SLC9A1: variants seen among roughly 807,000 people sequenced by gnomAD.
The protein encoded by SLC9A1 is sodium/hydrogen exchanger 1.
A neutral mutation model predicts 67.9 loss-of-function variants in SLC9A1; 22 were observed. The ratio of observed to expected loss-of-function variants is 0.32; its 90% confidence interval spans 0.23 to 0.46. SLC9A1 has a LOEUF of 0.46. SLC9A1 is among the 20% of genes least tolerant of loss of function. The pLI is 1.00. For synonymous variants in SLC9A1, 421 were observed against 471.8 expected, an observed-to-expected ratio of 0.89 and a Z score of 1.40; for missense variants, 686 against 1,094.8, an observed-to-expected ratio of 0.63 and a Z score of 5.27.
chr1:27,129,698 A>T (rs1045481615), intron 1 of SLC9A1, among the ~76,000 whole-genome samples: 5 of 152,192 alleles, frequency 3.3e-5, no homozygotes, highest in Admixed American at 3.3e-4. Context: ...GTGGTAGCAG[A>T]GCTGGCACAC....
Position 27,109,884 on chromosome 1 carries a change from A to T in SLC9A1, c.814-107T>A. 3 of 1,278,924 alleles carry T rather than the reference A, an allele frequency of 2.3e-6. No homozygotes were observed. The highest frequency in any genetic ancestry group is 3.3e-6 in the Non-Finnish European group (3 of 907,814). 79.2% of individuals were successfully genotyped at this position (1,278,924 alleles called of 1,614,324 possible). ...GTCCCCTCCGTTAACCATGGCCACAAGAAGAGGCCACACGGTAGCAGAGAA... is the reference window on the plus strand; with the variant it reads ...GTCCCCTCCGTTAACCATGGCCACATGAAGAGGCCACACGGTAGCAGAGAA... On this transcript the variant is annotated intron_variant, in intron 2 of 11. Coordinates refer to ENST00000263980, the MANE Select transcript of SLC9A1 (RefSeq NM_003047.5). This position sits in a 1 kb window ranked among gnomAD's most constrained non-coding sequence, Gnocchi z 5.5.
intron 1 of SLC9A1, among the ~76,000 whole-genome samples, chr1:27,131,797 C>A (rs1293426832): frequency 6.8e-6 from 1 of 147,028 alleles, no homozygotes; most frequent in African/African-American, 2.5e-5. Context: ...CCTATAATCC[C>A]ATAATCTCAG....
chr1:27,131,045 G>A (rs1057101535), intron 1 of SLC9A1, among the ~76,000 whole-genome samples: 1 of 152,232 alleles, frequency 6.6e-6, no homozygotes, highest in African/African-American at 2.4e-5. Context: ...TGTGCTGGCT[G>A]CTGAGACTGG....
At chr1:27,117,918 C>T (rs1054986454) in intron 1 of SLC9A1, among the ~76,000 whole-genome samples, 1 of 152,200 alleles carries the variant, frequency 6.6e-6, no homozygotes, top group Non-Finnish European at 1.5e-5. Flanking sequence ...AGACTCTGAA[C>T]CTCCGTGAGC....
chr1:27,102,806 G>T, intron 6 of SLC9A1, 63 bp from the exon 7 acceptor site: 1 of 1,418,300 alleles, frequency 7.1e-7, no homozygotes, highest in South Asian at 1.2e-5. Flanking sequence ...CAAGACCTCT[G>T]ACTAGCCCCA....
Position 27,137,621 on chromosome 1 carries a change from G to C in SLC9A1, c.352+16362C>G, listed in dbSNP as rs551210207. On this transcript the variant is annotated intron_variant, in intron 1 of 11. Coordinates refer to ENST00000263980, the MANE Select transcript of SLC9A1 (RefSeq NM_003047.5). This position sits in a 1 kb window ranked among gnomAD's most constrained non-coding sequence, Gnocchi z 4.6. ...GGATCCCTCCCAGTGCTAAAGTCTG[G>C]TTCTGATTCTAGGTCTGCCCTTTCC... Among the ~76,000 whole-genome samples, 3 of 152,234 alleles carry C rather than the reference G, an allele frequency of 2.0e-5. No individual in the cohort carries two copies. Among genetic ancestry groups the C allele is most frequent in the African/African-American group, 7.2e-5 (3 of 41,536 alleles).
chr1:27,107,598 A>C (rs201902854), intron 4 of SLC9A1, 50 bp downstream of exon 4: 395 of 1,191,742 alleles, frequency 3.3e-4, no homozygotes, highest in Middle Eastern at 1.6e-3. Flanking sequence ...ACCACCCCCC[A>C]CACACACCCC....
chr1:27,153,663 C>G (rs532982983), intron 1 of SLC9A1, among the ~76,000 whole-genome samples: 124 of 152,316 alleles, frequency 8.1e-4, no homozygotes, highest in African/African-American at 2.4e-3. Flanking sequence ...GTGCCTGGCT[C>G]CCCTGGGGGT....
Position 27,114,352 on chromosome 1 carries a change from G to C in SLC9A1, c.353-66C>G. On this transcript the variant is annotated intron_variant, in intron 1 of 11. Transcript: ENST00000263980. This position sits in a 1 kb window ranked among gnomAD's most constrained non-coding sequence, Gnocchi z 5.4. ...GGAGCCAGGAGAATAGAAGGTTGGG[G>C]ATGGGCCGGGGATGAGGAGCGCAGT... The C allele has an allele frequency of 7.3e-7, 1 of 1,365,658 alleles. No homozygotes were observed. The allele number at this position is 1,365,658 out of a possible 1,614,324, so 84.6% of individuals were successfully genotyped here.
chr1:27,131,478 G>A (rs549666153), intron 1 of SLC9A1, among the ~76,000 whole-genome samples: 2 of 148,538 alleles, frequency 1.3e-5, no homozygotes, highest in South Asian at 4.3e-4. Flanking sequence ...GGCAGGGCAC[G>A]GTGGCTGATG....
intron 1 of SLC9A1, among the ~76,000 whole-genome samples, chr1:27,131,947 A>AATATATATATATAT (rs71010329): frequency 9.6e-5 from 5 of 52,114 alleles, no homozygotes; most frequent in South Asian, 1.2e-3. Context: ...AGAAAAAAAA[A>AATATATATATATAT]ATATATATAT....
At position 27,098,929 on chromosome 1, in the gene SLC9A1, T is replaced by C. The variant is rs2083116990; in HGVS notation, c.*1378A>G. On this transcript the variant is annotated 3_prime_UTR_variant, in exon 12 of 12. Transcript: ENST00000263980. ...CGTGGTTGTCGATGTCACCCTTGCATGGTGACTCCTGCCCAAACAGCACTT... is the reference window on the plus strand; with the variant it reads ...CGTGGTTGTCGATGTCACCCTTGCACGGTGACTCCTGCCCAAACAGCACTT... The C allele has an allele frequency of 6.6e-6, 1 of 152,652 alleles. No homozygotes were observed. The highest frequency in any genetic ancestry group is 2.1e-4 in the South Asian group (1 of 4,838). 9.5% of individuals were successfully genotyped at this position (152,652 alleles called of 1,614,324 possible).
At chr1:27,113,329 G>A (rs2083243484) in intron 2 of SLC9A1, among the ~76,000 whole-genome samples, 1 of 152,058 alleles carries the variant, frequency 6.6e-6, no homozygotes, top group African/African-American at 2.4e-5. Flanking sequence ...GTGTGGTGGT[G>A]CATGCCTGTA....
At position 27,103,262 on chromosome 1, in the gene SLC9A1, T is replaced by C; in HGVS notation, c.1536A>G (p.Gln512=). 4.3e-6 allele frequency: 7 copies of C among 1,613,880 alleles called. No homozygotes were observed. Among genetic ancestry groups the C allele is most frequent in the Non-Finnish European group, 5.9e-6 (7 of 1,179,910 alleles). Residue 512 remains glutamine (Q), a synonymous_variant, in exon 6 of 12, where the codon CAA becomes CAG. Coordinates refer to ENST00000263980, the MANE Select transcript of SLC9A1 (RefSeq NM_003047.5). ...LVDLLAVKKK[Q]ETKRSINEEI... ...CTTCGTTGATGGAGCGCTTCGTCTC[T>C]TGCTTTTTCTTCACAGCCAACAGGT...
chr1:27,126,866 C>G (rs1220567549), intron 1 of SLC9A1, among the ~76,000 whole-genome samples: 2 of 152,208 alleles, frequency 1.3e-5, no homozygotes, highest in Non-Finnish European at 2.9e-5. Context: ...GGACACTAAG[C>G]TCCAGCTGAA....
In SLC9A1 at chr1:27,100,177, G is replaced by A. The variant is rs2083130055; in HGVS notation, c.*130C>T. 4 of 636,518 alleles carry A rather than the reference G, an allele frequency of 6.3e-6. No homozygotes were observed. The highest frequency in any genetic ancestry group is 5.1e-6 in the Non-Finnish European group (2 of 390,832). 39.4% of individuals were successfully genotyped at this position (636,518 alleles called of 1,614,324 possible). On this transcript the variant is annotated 3_prime_UTR_variant, in exon 12 of 12. Coordinates refer to ENST00000263980, the MANE Select transcript of SLC9A1 (RefSeq NM_003047.5). The surrounding 1 kb of genome is among the most constrained non-coding windows in gnomAD (Gnocchi z 5.6). ...AGCTGTGCTGGGGTGGGGGCTGTGGGCCCAGCTGCCATGCGGTAGGGGGAG... is the reference window on the plus strand; with the variant it reads ...AGCTGTGCTGGGGTGGGGGCTGTGGACCCAGCTGCCATGCGGTAGGGGGAG...
chr1:27,107,935 G>C, intron 3 of SLC9A1, 70 bp from the exon 4 acceptor site: 1 of 1,156,178 alleles, frequency 8.6e-7, no homozygotes, highest in Non-Finnish European at 1.3e-6. Context: ...CCACTGCCAG[G>C]GGCAATGGGG....
In SLC9A1 at chr1:27,109,063, C is replaced by A. The variant is rs900344691; in HGVS notation, c.1064+464G>T. Among the ~76,000 whole-genome samples, 1 of 152,174 alleles carries A rather than the reference C, an allele frequency of 6.6e-6. No individual in the cohort carries two copies. Among genetic ancestry groups the A allele is most frequent in the Non-Finnish European group, 1.5e-5 (1 of 68,034 alleles). On this transcript the variant is annotated intron_variant, in intron 3 of 11. Transcript: ENST00000263980. The surrounding 1 kb of genome is among the most constrained non-coding windows in gnomAD (Gnocchi z 5.5). ...CCTCACTGCCTCCCCACATCCCATT[C>A]TCCCCATTTCCAGACCCGGTGGAGA...
intron 1 of SLC9A1, among the ~76,000 whole-genome samples, chr1:27,123,067 G>C (rs954612056): frequency 6.6e-6 from 1 of 152,190 alleles, no homozygotes; most frequent in Non-Finnish European, 1.5e-5. Flanking sequence ...AAGCTCCAAA[G>C]ACTCTCATGG....
Sources: allele counts gnomAD v4.1 joint callset (sites outside exome capture counted in the v4.1 genomes callset), GRCh38; gene constraint gnomAD v4.1.1; non-coding constraint Gnocchi (gnomAD v3.1); transcripts MANE v1.5; gene names NCBI Gene and HGNC (gene_info 2026-07-23, HGNC 2026-07-21).